The following CPNE8 variants were observed in gnomAD, a reference collection of about 807,000 sequenced individuals.
CPNE8 encodes the protein copine-8.
Under a neutral mutation model 81.5 loss-of-function variants are expected in CPNE8, and 45 were observed. The ratio of observed to expected loss-of-function variants is 0.55; its 90% confidence interval spans 0.44 to 0.71. The LOEUF (loss-of-function observed/expected upper bound fraction) is 0.71. CPNE8 is among the 30% of genes least tolerant of loss of function. The pLI, the probability that CPNE8 is intolerant of heterozygous loss-of-function variation, is 0.00. For missense variants in CPNE8, 594 were observed against 672.1 expected (o/e 0.88, Z 1.28); for synonymous variants, 252 against 226.3 (o/e 1.11, Z -1.02).
chr12:38,720,349 G>A (rs987364855), intron 13 of CPNE8, among the ~76,000 whole-genome samples: 2 of 152,172 alleles, frequency 1.3e-5, no homozygotes, highest in African/African-American at 4.8e-5. Flanking sequence ...AGGAGAATGA[G>A]AGCAAACAAT....
intron 6 of CPNE8, among the ~76,000 whole-genome samples, chr12:38,819,670 C>T (rs891853323): frequency 2.0e-5 from 3 of 148,388 alleles, no homozygotes; most frequent in Admixed American, 6.9e-5. Context: ...GGGAGGCTGA[C>T]GCAGGAGAAT....
intron 1 of CPNE8, among the ~76,000 whole-genome samples, chr12:38,902,962 A>G (rs928493737): frequency 6.6e-6 from 1 of 152,196 alleles, no homozygotes; most frequent in Non-Finnish European, 1.5e-5. Context: ...CAGACTGAAT[A>G]AGAACTTACT....
At chr12:38,776,598 C>T (rs188462988) in intron 6 of CPNE8, among the ~76,000 whole-genome samples, 2 of 152,118 alleles carry the variant, frequency 1.3e-5, no homozygotes, top group Non-Finnish European at 2.9e-5. Context: ...GCATGAGCTA[C>T]CACACCCGGC....
chr12:38,717,937 T>G (rs965056280), intron 13 of CPNE8, among the ~76,000 whole-genome samples: 1 of 151,984 alleles, frequency 6.6e-6, no homozygotes, highest in African/African-American at 2.4e-5. Context: ...AAGTTAAAAG[T>G]GAGGAGTTAC....
intron 19 of CPNE8, among the ~76,000 whole-genome samples, chr12:38,656,127 A>T (rs1938811473): frequency 6.6e-6 from 1 of 151,950 alleles, no homozygotes; most frequent in Non-Finnish European, 1.5e-5. Flanking sequence ...AAACAAAAAA[A>T]ACAAATTGAG....
chr12:38,803,644 G>A (rs1467724954), intron 6 of CPNE8, among the ~76,000 whole-genome samples: 1 of 148,358 alleles, frequency 6.7e-6, no homozygotes, highest in Admixed American at 6.8e-5. Flanking sequence ...CATAGTGTTG[G>A]AAGTTCTGGC....
At chr12:38,677,188 C>A (rs949399242) in intron 17 of CPNE8, among the ~76,000 whole-genome samples, 1 of 151,906 alleles carries the variant, frequency 6.6e-6, no homozygotes, top group Non-Finnish European at 1.5e-5. Flanking sequence ...GTTAACAAAC[C>A]CATGCCTGTG....
chr12:38,773,150 G>A (rs1941843088), intron 7 of CPNE8, among the ~76,000 whole-genome samples: 1 of 152,036 alleles, frequency 6.6e-6, no homozygotes, highest in Non-Finnish European at 1.5e-5. Flanking sequence ...GGTTTCCCGG[G>A]ATTGAGGGGA....
chr12:38,723,455 T>C lies in CPNE8; in HGVS notation c.914+317A>G, dbSNP rs137964400. On this transcript the variant is annotated intron_variant, in intron 13 of 19. Coordinates refer to ENST00000331366, the MANE Select transcript of CPNE8 (RefSeq NM_153634.3). ...AGGCCCTGAAGCTTTTCACCTATAT[T>C]ACAAATAATAAATAGTACATGTAAA... 1.3e-3 allele frequency among the ~76,000 whole-genome samples: 202 copies of C among 152,202 alleles called. 4 individuals are homozygous for C. Among genetic ancestry groups the C allele is most frequent in the Middle Eastern group, 3.4e-3 (1 of 294 alleles).
At chr12:38,743,469 T>G (rs1255284739) in intron 10 of CPNE8, among the ~76,000 whole-genome samples, 1 of 152,114 alleles carries the variant, frequency 6.6e-6, no homozygotes, top group Non-Finnish European at 1.5e-5. Flanking sequence ...TTAAAAGATC[T>G]TATGCCACAA....
At chr12:38,776,333 AAT>A (rs1941935247) in intron 6 of CPNE8, 32 bp from the exon 7 acceptor site, 2 of 892,858 alleles carry the variant, frequency 2.2e-6, no homozygotes, top group South Asian at 2.1e-5. Context: ...TATATACATT[AAT>A]ATGTTATATT....
intron 6 of CPNE8, among the ~76,000 whole-genome samples, chr12:38,779,743 A>G (rs1942006391): frequency 6.6e-6 from 1 of 152,192 alleles, no homozygotes; most frequent in Admixed American, 6.5e-5. Flanking sequence ...ATATTAAAAA[A>G]TAAACAAGGA....
chr12:38,766,242 C>T (rs906714005), intron 8 of CPNE8, among the ~76,000 whole-genome samples: 3 of 152,096 alleles, frequency 2.0e-5, no homozygotes, highest in Non-Finnish European at 2.9e-5. Context: ...TGAAATTTTA[C>T]AATTGTACAA....
intron 19 of CPNE8, among the ~76,000 whole-genome samples, chr12:38,661,554 T>C (rs899475199): frequency 6.6e-6 from 1 of 152,054 alleles, no homozygotes; most frequent in Non-Finnish European, 1.5e-5. Context: ...CATATATACC[T>C]ATGTAACAAA....
At chr12:38,794,117 G>A (rs1230032166) in intron 6 of CPNE8, among the ~76,000 whole-genome samples, 1 of 152,080 alleles carries the variant, frequency 6.6e-6, no homozygotes, top group Admixed American at 6.5e-5. Context: ...CAGGAGGAAA[G>A]CTTCCTGAAA....
chr12:38,773,702 C>T (rs887978757), intron 7 of CPNE8, among the ~76,000 whole-genome samples: 13 of 152,016 alleles, frequency 8.6e-5, no homozygotes, highest in African/African-American at 2.7e-4. Context: ...TGATTGCATT[C>T]AACATTATAA....
At chr12:38,808,767 AATAAAAAAAAGACTAT>A (rs1942875167) in intron 6 of CPNE8, among the ~76,000 whole-genome samples, 2 of 151,530 alleles carry the variant, frequency 1.3e-5, no homozygotes, top group African/African-American at 4.8e-5. Context: ...AATAAAATAA[AATAAAAAAAAGACTAT>A]ATAAAAAAAT....
At chr12:38,708,861 C>G (rs1303635230) in intron 13 of CPNE8, among the ~76,000 whole-genome samples, 1 of 152,150 alleles carries the variant, frequency 6.6e-6, no homozygotes, top group Non-Finnish European at 1.5e-5. Context: ...GAATTAATTA[C>G]AGAGAACTAA....
chr12:38,826,035 A>C (rs1048365093), intron 6 of CPNE8, among the ~76,000 whole-genome samples: 1 of 152,074 alleles, frequency 6.6e-6, no homozygotes, highest in African/African-American at 2.4e-5. Context: ...GCAATTCCTA[A>C]GGTTTTGTTT....
Sources: gnomAD v4.1 joint callset for allele counts (sites outside exome capture counted in the v4.1 genomes callset) on GRCh38, gnomAD v4.1.1 for gene constraint, MANE v1.5 for transcripts, NCBI Gene and HGNC (gene_info 2026-07-23, HGNC 2026-07-21) for gene names.